Variants in OSBPL3 observed in about 807,000 individuals in gnomAD.
OSBPL3 encodes the protein oxysterol binding protein like 3, also known as oxysterol-binding protein-related protein 3.
A neutral mutation model predicts 120.1 loss-of-function variants in OSBPL3; 65 were observed. The observed-to-expected ratio is 0.54, with a 90% CI of 0.44 to 0.67. OSBPL3 has a LOEUF of 0.67. OSBPL3 is among the 30% of genes least tolerant of loss of function. The probability of loss-of-function intolerance (pLI) is 0.00; values close to 1 mark genes in which losing one functional copy is unlikely to be tolerated. For missense variants in OSBPL3, 1,004 were observed against 1,082.1 expected (o/e 0.93, Z 1.01); for synonymous variants, 416 against 402.6 (o/e 1.03, Z -0.40).
rs978725730 is a variant in OSBPL3, at chr7:24,933,321, A to G, written c.-149-40700T>C. On this transcript the variant is annotated intron_variant, in intron 1 of 22. Coordinates refer to ENST00000313367, the MANE Select transcript of OSBPL3 (RefSeq NM_015550.4). This position sits in a 1 kb window ranked among gnomAD's most constrained non-coding sequence, Gnocchi z 5.1. Reference sequence around the variant, plus strand: ...TAGTAACACTGCTCTAGAGTCAAAAAAAGAACCAACCCATGAAGGTAAAAA... The same window carrying G: ...TAGTAACACTGCTCTAGAGTCAAAAGAAGAACCAACCCATGAAGGTAAAAA... Among the ~76,000 whole-genome samples, 12 of 152,216 alleles carry G rather than the reference A, an allele frequency of 7.9e-5. No individual in the cohort carries two copies. Among genetic ancestry groups the G allele is most frequent in the Non-Finnish European group, 1.8e-4 (12 of 68,040 alleles).
At chr7:24,887,044 A>G (rs551578094) in intron 2 of OSBPL3, among the ~76,000 whole-genome samples, 2 of 152,248 alleles carry the variant, frequency 1.3e-5, no homozygotes, top group Non-Finnish European at 2.9e-5. Flanking sequence ...TACAATGAGC[A>G]ATCTTGTTTT....
intron 1 of OSBPL3, among the ~76,000 whole-genome samples, chr7:24,921,976 T>C (rs568963973): frequency 1.3e-5 from 2 of 152,306 alleles, no homozygotes; most frequent in East Asian, 3.9e-4. Flanking sequence ...CTATGATCAA[T>C]ACAGATTCAA....
At chr7:24,923,214 C>T (rs1810615286) in intron 1 of OSBPL3, among the ~76,000 whole-genome samples, 1 of 152,218 alleles carries the variant, frequency 6.6e-6, no homozygotes, top group African/African-American at 2.4e-5. Context: ...CCTCTCTCTA[C>T]AGAGTGGAGC....
chr7:24,821,648 C>G lies in OSBPL3; in HGVS notation c.1885-1410G>C, dbSNP rs753425945. ...GGCCAAAGAAAGGTAGAGACAAAGA[C>G]GTAAATCATGTAGGCATCTTTCAGA... On this transcript the variant is annotated intron_variant, in intron 16 of 22. Transcript: ENST00000313367. The surrounding 1 kb of genome is among the most constrained non-coding windows in gnomAD (Gnocchi z 5.5). Among the ~76,000 whole-genome samples the G allele has an allele frequency of 1.3e-5, 2 of 152,198 alleles. No individual in the cohort carries two copies. Among genetic ancestry groups the G allele is most frequent in the Admixed American group, 6.5e-5 (1 of 15,278 alleles).
chr7:24,866,328 T>C, intron 5 of OSBPL3, 91 bp from the exon 6 acceptor site: 1 of 965,106 alleles, frequency 1.0e-6, no homozygotes, highest in Non-Finnish European at 1.6e-6. Flanking sequence ...CTCAAAATCC[T>C]CTTTTTCAGT....
At chr7:24,956,906 T>A (rs1815127970) in intron 1 of OSBPL3, among the ~76,000 whole-genome samples, 1 of 152,078 alleles carries the variant, frequency 6.6e-6, no homozygotes, top group Non-Finnish European at 1.5e-5. Context: ...TTCTACTGAA[T>A]TTCTAGTTTT....
intron 14 of OSBPL3, among the ~76,000 whole-genome samples, chr7:24,839,991 C>CAAAAAAAAAAAAAAAA (rs71675250): frequency 5.6e-4 from 30 of 53,300 alleles, no homozygotes; most frequent in East Asian, 2.2e-3. Context: ...CTCCATCTCA[C>CAAAAAAAAAAAAAAAA]AAAAAAAAAA....
chr7:24,895,770 G>A (rs1323762597), intron 1 of OSBPL3, among the ~76,000 whole-genome samples: 2 of 152,150 alleles, frequency 1.3e-5, no homozygotes, highest in Non-Finnish European at 2.9e-5. Context: ...GGGTTTATGG[G>A]TTTCAACAAT....
rs1294802285 is a variant in OSBPL3 at position 24,854,522 on chromosome 7, A to G, written c.1028-1888T>C. On this transcript the variant is annotated intron_variant, in intron 10 of 22. Transcript: ENST00000313367. The surrounding 1 kb of genome is among the most constrained non-coding windows in gnomAD (Gnocchi z 4.1). ...CACACGCACACACACACACACACAC[A>G]CACACACACACACACAAACACACAC... 2.0e-5 allele frequency among the ~76,000 whole-genome samples: 3 copies of G among 149,918 alleles called. No homozygotes were observed. Among genetic ancestry groups the G allele is most frequent in the Non-Finnish European group, 4.4e-5 (3 of 67,554 alleles).
At position 24,941,272 on chromosome 7, in the gene OSBPL3, A is replaced by T. The variant is rs149713554; in HGVS notation, c.-150+38614T>A. Among the ~76,000 whole-genome samples, 1,366 of 152,312 alleles carry T rather than the reference A, an allele frequency of 9.0e-3. 32 individuals are homozygous for T. The highest frequency in any genetic ancestry group is 0.03 in the African/African-American group (1,247 of 41,550). On this transcript the variant is annotated intron_variant, in intron 1 of 22. Transcript: ENST00000313367. ...AGATAACTCCTCCTAATTGGGTCTT[A>T]CTTCTTATCAATTTAGAAAAACCCT...
Position 24,933,088 on chromosome 7 carries a change from TGATTCAGAGA to T in OSBPL3, c.-149-40477_-149-40468del, listed in dbSNP as rs1339405349. On this transcript the variant is annotated intron_variant, in intron 1 of 22. Coordinates refer to ENST00000313367, the MANE Select transcript of OSBPL3 (RefSeq NM_015550.4). This position sits in a 1 kb window ranked among gnomAD's most constrained non-coding sequence, Gnocchi z 5.1. ...CAAAATAGTTTAATAAGGCCAGCAG[TGATTCAGAGA>T]GTAATAACAGGCCACGCACGCAGAC... Among the ~76,000 whole-genome samples, 1 of 152,186 alleles carries T rather than the reference TGATTCAGAGA, an allele frequency of 6.6e-6. No individual in the cohort carries two copies. The highest frequency in any genetic ancestry group is 1.5e-5 in the Non-Finnish European group (1 of 68,024).
intron 1 of OSBPL3, among the ~76,000 whole-genome samples, chr7:24,949,212 A>G (rs148689081): frequency 6.6e-6 from 1 of 152,334 alleles, no homozygotes; most frequent in East Asian, 1.9e-4. Context: ...TTAACAATGT[A>G]TTCCTGACAT....
chr7:24,833,300 C>T lies in OSBPL3; in HGVS notation c.1746+1186G>A, dbSNP rs146480072. ...GGAGGGTTGCTTGAGTCTAGGAGTT[C>T]GAGGTTGCAGTGAGGTAGGACTGCA... On this transcript the variant is annotated intron_variant, in intron 15 of 22. Transcript: ENST00000313367. This position sits in a 1 kb window ranked among gnomAD's most constrained non-coding sequence, Gnocchi z 4.4. Among the ~76,000 whole-genome samples the T allele has an allele frequency of 1.1e-4, 16 of 152,086 alleles. No homozygotes were observed. Among genetic ancestry groups the T allele is most frequent in the African/African-American group, 3.4e-4 (14 of 41,478 alleles).
chr7:24,927,496 AT>A (rs2128460325), intron 1 of OSBPL3, among the ~76,000 whole-genome samples: 1 of 152,324 alleles, frequency 6.6e-6, no homozygotes, highest in South Asian at 2.1e-4. Flanking sequence ...TGCTAGTAAA[AT>A]TTTGGTGACT....
rs537832232 is a variant in OSBPL3, at chr7:24,872,164, T to A, written c.97-95A>T. 1.5e-5 allele frequency: 13 copies of A among 881,490 alleles called. No homozygotes were observed. The highest frequency in any genetic ancestry group is 2.3e-5 in the Non-Finnish European group (12 of 529,344). The allele number at this position is 881,490 out of a possible 1,614,324, so 54.6% of individuals were successfully genotyped here. A position where few individuals can be genotyped will look rare whatever the true frequency, so the allele number is the denominator to read the frequency against. ...ATCCTGTCAGTAAATTTATTCAAGATGGGGAGGCTGGCTGGGTTTGTTGGG... is the reference window on the plus strand; with the variant it reads ...ATCCTGTCAGTAAATTTATTCAAGAAGGGGAGGCTGGCTGGGTTTGTTGGG... On this transcript the variant is annotated intron_variant, in intron 2 of 22. Transcript: ENST00000313367. The surrounding 1 kb of genome is among the most constrained non-coding windows in gnomAD (Gnocchi z 4.1).
rs61756017 is a variant in OSBPL3 at position 24,809,893 on chromosome 7, C to T, written c.2231G>A (p.Gly744Glu). The T allele has an allele frequency of 1.9e-4, 311 of 1,614,028 alleles. No individual in the cohort carries two copies. The highest frequency in any genetic ancestry group is 2.4e-4 in the Non-Finnish European group (288 of 1,180,010). The change falls in exon 20 of 23, where the codon GGA becomes GAA. Residue 744 changes from glycine to glutamate, a missense_variant. Physicochemically the swap from Gly to Glu is moderately conservative, Grantham distance 98 (BLOSUM62 -2). Around this residue, in one of 4 missense-constraint regions of OSBPL3, gnomAD observed 473 missense variants for 568.0 expected, o/e 0.83. Coordinates refer to ENST00000313367, the MANE Select transcript of OSBPL3 (RefSeq NM_015550.4). Reference sequence around the variant, plus strand: ...CCCAAACAGCCGATGAACCGCTTTTCCACTCCTGTCAAACACTGTGCCTTC... The same window carrying T: ...CCCAAACAGCCGATGAACCGCTTTTTCACTCCTGTCAAACACTGTGCCTTC... ...EIEGTVFDRSGKAVHRLFGKW... is the reference protein window; with the variant it reads ...EIEGTVFDRSEKAVHRLFGKW...
rs986899875 is a variant in OSBPL3 at position 24,818,290 on chromosome 7, A to G, written c.1949-1602T>C. 6.6e-6 allele frequency among the ~76,000 whole-genome samples: 1 copy of G among 152,192 alleles called. No homozygotes were observed. The highest frequency in any genetic ancestry group is 6.5e-5 in the Admixed American group (1 of 15,282). On this transcript the variant is annotated intron_variant, in intron 17 of 22. Transcript: ENST00000313367. The surrounding 1 kb of genome is among the most constrained non-coding windows in gnomAD (Gnocchi z 4.0). Reference sequence around the variant, plus strand: ...GTGAATAAAAACCATTGAATTGTACACTTTACACGGGTGAATGATATGGTA... The same window carrying G: ...GTGAATAAAAACCATTGAATTGTACGCTTTACACGGGTGAATGATATGGTA...
At chr7:24,950,619 G>A (rs916749908) in intron 1 of OSBPL3, among the ~76,000 whole-genome samples, 7 of 152,232 alleles carry the variant, frequency 4.6e-5, no homozygotes, top group African/African-American at 9.6e-5. Flanking sequence ...CTACTTGGGC[G>A]GCTGAGGCAG....
At chr7:24,875,878 C>T (rs886438183) in intron 2 of OSBPL3, among the ~76,000 whole-genome samples, 3 of 151,918 alleles carry the variant, frequency 2.0e-5, no homozygotes, top group Non-Finnish European at 2.9e-5. Flanking sequence ...GTTACGTGGA[C>T]GACAGGGTAA....
Sources: gnomAD v4.1 joint callset for allele counts (sites outside exome capture counted in the v4.1 genomes callset) on GRCh38, gnomAD v4.1.1 for gene constraint, gnomAD v4.1.1 regional missense constraint, Gnocchi (gnomAD v3.1) non-coding constraint, MANE v1.5 for transcripts, NCBI Gene and HGNC (gene_info 2026-07-23, HGNC 2026-07-21) for gene names.